AGBL4: variants seen among roughly 807,000 people sequenced by gnomAD.
AGBL4 encodes the protein cytosolic carboxypeptidase 6.
Under a neutral mutation model 66.4 loss-of-function variants are expected in AGBL4, and 58 were observed. That is an observed-to-expected ratio of 0.87 (90% confidence interval 0.71 to 1.09). AGBL4 has a LOEUF of 1.09. Ranked by LOEUF, AGBL4 falls within the 50% of genes least tolerant of loss-of-function variation. AGBL4 has a pLI of 0.00. For missense variants in AGBL4, 579 were observed against 631.0 expected, an observed-to-expected ratio of 0.92 and a Z score of 0.88; for synonymous variants, 234 against 222.9, an observed-to-expected ratio of 1.05 and a Z score of -0.44.
intron 3 of AGBL4, among the ~76,000 whole-genome samples, chr1:49,531,438 C>T (rs1465856862): frequency 1.3e-5 from 2 of 152,106 alleles, no homozygotes; most frequent in Admixed American, 1.3e-4. Flanking sequence ...ACTCTAGCAA[C>T]CCTTTTAAAT....
intron 9 of AGBL4, among the ~76,000 whole-genome samples, chr1:48,598,242 G>A (rs547934114): frequency 1.3e-5 from 2 of 152,278 alleles, no homozygotes; most frequent in Admixed American, 6.5e-5. Context: ...ATGGATTTTA[G>A]GGGGGCATGA....
At chr1:48,780,225 C>T (rs1228266364) in intron 6 of AGBL4, among the ~76,000 whole-genome samples, 1 of 136,876 alleles carries the variant, frequency 7.3e-6, no homozygotes, top group Non-Finnish European at 1.5e-5. Flanking sequence ...GTGATGTTCC[C>T]CTCCCCGTAT....
chr1:48,719,430 T>A (rs1227090553), intron 6 of AGBL4, among the ~76,000 whole-genome samples: 2 of 152,178 alleles, frequency 1.3e-5, no homozygotes, highest in African/African-American at 4.8e-5. Flanking sequence ...ATTCCCCCAA[T>A]AGCCTTCTCA....
chr1:49,761,829 T>G (rs1652342821), intron 2 of AGBL4, among the ~76,000 whole-genome samples: 1 of 152,238 alleles, frequency 6.6e-6, no homozygotes, highest in Non-Finnish European at 1.5e-5. Context: ...TTTGTGCCTG[T>G]TGACCAATGT....
intron 6 of AGBL4, among the ~76,000 whole-genome samples, chr1:48,712,908 G>A (rs1646990676): frequency 6.6e-6 from 1 of 152,202 alleles, no homozygotes; most frequent in African/African-American, 2.4e-5. Context: ...GGGAGATGGC[G>A]GCCACCCAGG....
At chr1:49,052,079 ATTT>A (rs5774037) in intron 4 of AGBL4, among the ~76,000 whole-genome samples, 73,835 of 139,238 alleles carry the variant, frequency 0.53, 18,841 homozygotes, top group Middle Eastern at 0.6. Context: ...ATATGTAGGG[ATTT>A]TTTTTTTTTT....
intron 1 of AGBL4, chr1:49,995,625 G>A (rs1177781115): frequency 4.4e-6 from 1 of 228,118 alleles, no homozygotes; most frequent in Non-Finnish European, 8.9e-6. Context: ...ACCACAGCCT[G>A]AGACACCCAA....
At chr1:49,134,939 C>T (rs943469154) in intron 4 of AGBL4, among the ~76,000 whole-genome samples, 2 of 152,060 alleles carry the variant, frequency 1.3e-5, no homozygotes, top group African/African-American at 4.8e-5. Context: ...GGGTCCCTGA[C>T]TTCCCACAAC....
chr1:49,512,649 A>T (rs1649382875), intron 3 of AGBL4, among the ~76,000 whole-genome samples: 2 of 152,008 alleles, frequency 1.3e-5, no homozygotes, highest in South Asian at 4.1e-4. Context: ...AGAAGCAGAT[A>T]CCATGATGCT....
intron 1 of AGBL4, among the ~76,000 whole-genome samples, chr1:49,993,834 A>G (rs1660148185): frequency 1.3e-5 from 2 of 152,192 alleles, no homozygotes; most frequent in South Asian, 4.1e-4. Flanking sequence ...AATGGAAGCA[A>G]GAAATAAACC....
chr1:49,624,008 T>A (rs912317254), intron 3 of AGBL4, among the ~76,000 whole-genome samples: 227 of 145,330 alleles, frequency 1.6e-3, no homozygotes, highest in Non-Finnish European at 2.5e-3. Flanking sequence ...AGAGAGTGTG[T>A]GTGTGTGTGT....
intron 3 of AGBL4, among the ~76,000 whole-genome samples, chr1:49,541,361 C>T (rs1031344310): frequency 5.3e-5 from 8 of 152,094 alleles, no homozygotes; most frequent in African/African-American, 1.7e-4. Flanking sequence ...ACTGGAGCTG[C>T]GGGCGGTCCT....
In AGBL4 at chr1:49,286,047, G is replaced by C. The variant is rs573314794; in HGVS notation, c.283-40183C>G. On this transcript the variant is annotated intron_variant, in intron 3 of 13. Transcript: ENST00000371839. ...GTGGGCTTCATCCCTGCGATGCAAG[G>C]CTGGTTCAATATACACAAATCATAA... 6.6e-5 allele frequency among the ~76,000 whole-genome samples: 10 copies of C among 152,318 alleles called. No individual in the cohort carries two copies. The South Asian group carries it at 1.9e-3, about 28-fold the overall frequency.
chr1:48,751,546 A>G (rs1651731452), intron 6 of AGBL4, among the ~76,000 whole-genome samples: 1 of 152,182 alleles, frequency 6.6e-6, no homozygotes, highest in Non-Finnish European at 1.5e-5. Flanking sequence ...TGTTTTATAT[A>G]TGGAAAGTAT....
chr1:49,036,724 ATTTTTTT>A (rs35463441), intron 5 of AGBL4, among the ~76,000 whole-genome samples: 2 of 139,368 alleles, frequency 1.4e-5, no homozygotes, highest in Non-Finnish European at 3.1e-5. Context: ...TGCTCAGCTA[ATTTTTTT>A]TTTTTTTTTT....
chr1:49,716,732 T>A (rs1648173307), intron 2 of AGBL4, among the ~76,000 whole-genome samples: 1 of 152,116 alleles, frequency 6.6e-6, no homozygotes, highest in African/African-American at 2.4e-5. Context: ...CAACAGTGCT[T>A]CATGCTAAAA....
chr1:49,519,595 C>T (rs946927481), intron 3 of AGBL4, among the ~76,000 whole-genome samples: 2 of 151,988 alleles, frequency 1.3e-5, no homozygotes, highest in African/African-American at 4.8e-5. Flanking sequence ...GGCTTTGAAA[C>T]CCTATGTAGT....
chr1:48,895,774 C>T (rs1651447129), intron 5 of AGBL4, among the ~76,000 whole-genome samples: 1 of 152,136 alleles, frequency 6.6e-6, no homozygotes, highest in Non-Finnish European at 1.5e-5. Context: ...AGAGCTCATC[C>T]ATTCTGATCA....
chr1:49,580,756 T>G lies in AGBL4; in HGVS notation c.282+116557A>C, dbSNP rs560633915. 2.6e-5 allele frequency among the ~76,000 whole-genome samples: 4 copies of G among 152,304 alleles called. No homozygotes were observed. The East Asian group carries it at 5.8e-4, about 22-fold the overall frequency. On this transcript the variant is annotated intron_variant, in intron 3 of 13. Transcript: ENST00000371839. ...GTGTGGTTTCTGCTGGGTAGTCCAC[T>G]GTGAGTCACATGTTTTTCTCTTGCT...
Sources: allele counts gnomAD v4.1 joint callset (sites outside exome capture counted in the v4.1 genomes callset), GRCh38; gene constraint gnomAD v4.1.1; transcripts MANE v1.5; gene names NCBI Gene and HGNC (gene_info 2026-07-23, HGNC 2026-07-21).